PCDH17: variants seen among roughly 807,000 people sequenced by gnomAD.
PCDH17 encodes the protein protocadherin-17.
A neutral mutation model predicts 67.7 loss-of-function variants in PCDH17; 21 were observed. That is an observed-to-expected ratio of 0.31 (90% CI 0.22 to 0.45). The LOEUF (loss-of-function observed/expected upper bound fraction) is 0.45, where lower values mean the gene tolerates loss of function less well. Ranked by LOEUF, PCDH17 falls within the 20% of genes least tolerant of loss-of-function variation. The pLI is 1.00. For synonymous variants in PCDH17, 701 were observed against 656.7 expected, an observed-to-expected ratio of 1.07 and a Z score of -1.03; for missense variants, 1,471 against 1,564.8, an observed-to-expected ratio of 0.94 and a Z score of 1.01.
At chr13:57,658,263 A>G (rs1955134235) in intron 1 of PCDH17, among the ~76,000 whole-genome samples, 1 of 152,076 alleles carries the variant, frequency 6.6e-6, no homozygotes, top group Non-Finnish European at 1.5e-5. Flanking sequence ...GTGTATTTTT[A>G]CTTTAAAATA....
At position 57,633,589 on chromosome 13, in the gene PCDH17, C is replaced by A. The variant is rs761714618; in HGVS notation, c.1043C>A (p.Ala348Glu). 1.4e-5 allele frequency: 23 copies of A among 1,612,864 alleles called. No individual in the cohort carries two copies. The highest frequency in any genetic ancestry group is 1.0e-4 in the Admixed American group (6 of 60,012). ...AAGCTCATCGACCGCAACGACAATG[C>A]GCCGTCCATCGGTTTCGTCTCCGTG... is the stretch of plus-strand genomic sequence containing the variant. The part of the protein sequence containing the change: ...TVKLIDRNDN[A>E]PSIGFVSVRQ... The change falls in exon 1 of 4, where the codon GCG becomes GAG. Residue 348 changes from alanine to glutamate, a missense_variant. By Grantham distance (107) the Ala-to-Glu change is moderately radical. Transcript: ENST00000377918. The surrounding 1 kb of genome is among the most constrained non-coding windows in gnomAD (Gnocchi z 6.2).
intron 3 of PCDH17, among the ~76,000 whole-genome samples, chr13:57,688,270 A>C (rs1404015975): frequency 6.6e-6 from 1 of 151,824 alleles, no homozygotes; most frequent in Admixed American, 6.6e-5. Flanking sequence ...ACAAGACTGC[A>C]CTCCAACCCT....
intron 3 of PCDH17, among the ~76,000 whole-genome samples, chr13:57,717,081 A>G (rs1955823784): frequency 6.6e-6 from 1 of 151,930 alleles, no homozygotes; most frequent in Non-Finnish European, 1.5e-5. Flanking sequence ...GTGGTATAAT[A>G]TTGAGCTTCA....
intron 3 of PCDH17, among the ~76,000 whole-genome samples, chr13:57,715,094 T>C (rs183960944): frequency 1.0e-3 from 152 of 151,938 alleles, no homozygotes; most frequent in African/African-American, 3.4e-3. Context: ...TAATTTAAAA[T>C]GGTATTTTCA....
chr13:57,669,153 C>A (rs1238379821), intron 3 of PCDH17, among the ~76,000 whole-genome samples: 2 of 151,938 alleles, frequency 1.3e-5, no homozygotes, highest in Non-Finnish European at 2.9e-5. Context: ...ATCCATGTCC[C>A]TACATTTTTT....
chr13:57,715,493 A>T (rs1955809549), intron 3 of PCDH17, among the ~76,000 whole-genome samples: 1 of 151,914 alleles, frequency 6.6e-6, no homozygotes, highest in Admixed American at 6.6e-5. Flanking sequence ...GTAAACAGAT[A>T]AAAAATAATA....
chr13:57,655,369 T>C (rs1254083636), intron 1 of PCDH17, among the ~76,000 whole-genome samples: 1 of 151,968 alleles, frequency 6.6e-6, no homozygotes, highest in Non-Finnish European at 1.5e-5. Flanking sequence ...TTACCAAAAT[T>C]ATTGTATTCA....
chr13:57,637,824 T>G (rs900481215), intron 1 of PCDH17, among the ~76,000 whole-genome samples: 6 of 152,012 alleles, frequency 3.9e-5, no homozygotes, highest in Admixed American at 2.0e-4. Context: ...AAAGTTAAGA[T>G]TTAAGTATCA....
chr13:57,695,040 A>C (rs564324028), intron 3 of PCDH17, among the ~76,000 whole-genome samples: 1 of 151,302 alleles, frequency 6.6e-6, no homozygotes, highest in South Asian at 2.1e-4. Context: ...GCTAAGTAGG[A>C]CACATTTTTA....
intron 3 of PCDH17, among the ~76,000 whole-genome samples, chr13:57,687,518 T>C (rs1955519593): frequency 6.6e-6 from 1 of 152,018 alleles, no homozygotes; most frequent in African/African-American, 2.4e-5. Flanking sequence ...CTCTTGAGGT[T>C]CATTCTTTAA....
At chr13:57,660,480 C>A (rs999512105) in intron 1 of PCDH17, among the ~76,000 whole-genome samples, 1 of 152,082 alleles carries the variant, frequency 6.6e-6, no homozygotes, top group Non-Finnish European at 1.5e-5. Context: ...ACAGAAGAAT[C>A]CTCAGCATAT....
chr13:57,683,533 T>A (rs6561937), intron 3 of PCDH17, among the ~76,000 whole-genome samples: 124,548 of 151,824 alleles, frequency 0.82, 51,603 homozygotes, highest in African/African-American at 0.94. Context: ...TTGATTGCCT[T>A]TAACTGATAT....
At chr13:57,717,890 A>G (rs1955835305) in intron 3 of PCDH17, among the ~76,000 whole-genome samples, 1 of 151,940 alleles carries the variant, frequency 6.6e-6, no homozygotes, top group Non-Finnish European at 1.5e-5. Flanking sequence ...ATAATTCTTT[A>G]TGGGGCTGAT....
At chr13:57,636,388 G>GT (rs1425712397) in intron 1 of PCDH17, among the ~76,000 whole-genome samples, 1 of 152,054 alleles carries the variant, frequency 6.6e-6, no homozygotes, top group African/African-American at 2.4e-5. Flanking sequence ...ACTCAATAAT[G>GT]TTTTTATTGT....
chr13:57,662,162 G>A (rs922793333), intron 1 of PCDH17, among the ~76,000 whole-genome samples: 1 of 152,032 alleles, frequency 6.6e-6, no homozygotes, highest in African/African-American at 2.4e-5. Context: ...CCACCATACT[G>A]GGCCCAACAG....
At position 57,726,529 on chromosome 13, in the gene PCDH17, G is replaced by C. The variant is rs936553904; in HGVS notation, c.*1235G>C. The stretch of plus-strand genomic sequence containing the variant: ...ATGGAGTGTGGGAAGCAGTGCCTCA[G>C]AGCAAAGTCTCTTGTTTAATGTATA... On this transcript the variant is annotated 3_prime_UTR_variant, in exon 4 of 4. Coordinates refer to ENST00000377918, the MANE Select transcript of PCDH17 (RefSeq NM_001040429.3). The C allele has an allele frequency of 6.6e-6, 1 of 152,594 alleles. No homozygotes were observed. Among genetic ancestry groups the C allele is most frequent in the African/African-American group, 2.4e-5 (1 of 41,442 alleles). The allele number at this position is 152,594 out of a possible 1,614,324, so 9.5% of individuals were successfully genotyped here. A position where few individuals can be genotyped will look rare whatever the true frequency, so the allele number is the denominator to read the frequency against.
Position 57,724,615 on chromosome 13 carries a change from C to A in PCDH17, c.2801C>A (p.Pro934Gln), listed in dbSNP as rs1321928902. Residue 934 changes from proline (P) to glutamine (Q), a missense_variant, in exon 4 of 4, where the codon CCA (proline) becomes CAA (glutamine). Physicochemically the swap from Pro to Gln is moderately conservative, Grantham distance 76 (BLOSUM62 -1). Around this residue, in one of 3 missense-constraint regions of PCDH17, gnomAD observed 297 missense variants for 298.6 expected, o/e 0.99. Transcript: ENST00000377918. ...STKSQPLEQEPEECVNCTDEC... is the reference protein window; with the variant it reads ...STKSQPLEQEQEECVNCTDEC... The stretch of plus-strand genomic sequence containing the variant: ...TGTTTTCTCTTTTGTTTTGCAGAAC[C>A]AGAAGAGTGTGTTAATTGCACAGAT... 2 of 1,607,708 alleles carry A rather than the reference C, an allele frequency of 1.2e-6. No homozygotes were observed. The highest frequency in any genetic ancestry group is 1.7e-6 in the Non-Finnish European group (2 of 1,175,064).
chr13:57,654,795 G>T, intron 1 of PCDH17, among the ~76,000 whole-genome samples: 1 of 151,328 alleles, frequency 6.6e-6, no homozygotes, highest in Non-Finnish European at 1.5e-5. Context: ...TTTTAAATGT[G>T]GTATATATTC....
intron 3 of PCDH17, among the ~76,000 whole-genome samples, chr13:57,718,249 A>G (rs1955840112): frequency 6.6e-6 from 1 of 152,050 alleles, no homozygotes; most frequent in African/African-American, 2.4e-5. Context: ...CTTATTAAAA[A>G]TGGTGTTAAA....
Sources: gnomAD v4.1 joint callset for allele counts (sites outside exome capture counted in the v4.1 genomes callset) on GRCh38, gnomAD v4.1.1 for gene constraint, gnomAD v4.1.1 regional missense constraint, Gnocchi (gnomAD v3.1) non-coding constraint, MANE v1.5 for transcripts, NCBI Gene and HGNC (gene_info 2026-07-23, HGNC 2026-07-21) for gene names.